STK11: variants seen among roughly 807,000 people sequenced by gnomAD.
STK11 encodes serine/threonine-protein kinase STK11.
A neutral mutation model predicts 47.3 loss-of-function variants in STK11; 8 were observed. The ratio of observed to expected loss-of-function variants is 0.17; its 90% CI spans 0.10 to 0.31. STK11 has a LOEUF of 0.31. Ranked by LOEUF, STK11 falls within the 10% of genes least tolerant of loss-of-function variation. The pLI, the probability that STK11 is intolerant of heterozygous loss-of-function variation, is 1.00. For missense variants in STK11, 475 were observed against 605.0 expected, an observed-to-expected ratio of 0.79 and a Z score of 2.25; for synonymous variants, 330 against 255.8, an observed-to-expected ratio of 1.29 and a Z score of -2.77.
In STK11 at chr19:1,227,610, C is replaced by T. The variant is rs727503761; in HGVS notation, c.*34C>T. The T allele has an allele frequency of 5.9e-5, 63 of 1,065,724 alleles. No individual in the cohort carries two copies. The highest frequency in any genetic ancestry group is 6.6e-5 in the Non-Finnish European group (58 of 879,646). The allele number at this position is 1,065,724 out of a possible 1,614,324, so 66.0% of individuals were successfully genotyped here. A position where few individuals can be genotyped will look rare whatever the true frequency, so the allele number is the denominator to read the frequency against. Reference sequence around the variant, plus strand: ...CCCTGCAGCCCGTGTCCAGGAGCCCCGCCAGGTGCCCGCGCCAGGCCCTCA... The same window carrying T: ...CCCTGCAGCCCGTGTCCAGGAGCCCTGCCAGGTGCCCGCGCCAGGCCCTCA... On this transcript the variant is annotated 3_prime_UTR_variant, in exon 10 of 10. Transcript: ENST00000326873.
At position 1,206,806 on chromosome 19, in the gene STK11, TTC is replaced by T. The variant is rs1555734790; in HGVS notation, c.-106_-105del. The T allele has an allele frequency of 9.5e-6, 13 of 1,373,640 alleles. No homozygotes were observed. The highest frequency in any genetic ancestry group is 2.5e-5 in the East Asian group (1 of 39,778). 85.1% of individuals were successfully genotyped at this position (1,373,640 alleles called of 1,614,324 possible). On this transcript the variant is annotated 5_prime_UTR_variant, in exon 1 of 10. Transcript: ENST00000326873. ...TTGGGGTTTTTGTTGCCTTTTTTTT[TTC>T]TTTTTTCTTTGTAAAATTTTGGAGA...
At chr19:1,226,737 CCG>C (rs2080825912) in intron 9 of STK11, 74 bp downstream of exon 9, 1 of 1,411,722 alleles carries the variant, frequency 7.1e-7, no homozygotes, top group Admixed American at 2.9e-5. Flanking sequence ...TGAGCATAGC[CCG>C]CGCTAGTCAG....
At chr19:1,226,228 G>A in intron 8 of STK11, 1 of 1,386,208 alleles carries the variant, frequency 7.2e-7, no homozygotes, top group Non-Finnish European at 9.3e-7. Flanking sequence ...CGTGGTGGAG[G>A]GGACACTCCT....
chr19:1,208,895 A>AGG (rs1298783938), intron 1 of STK11, among the ~76,000 whole-genome samples: 7 of 151,678 alleles, frequency 4.6e-5, no homozygotes, highest in African/African-American at 1.7e-4. Flanking sequence ...TGCTGGGATT[A>AGG]AAGGCGTGAG....
In STK11 at chr19:1,223,164, C is replaced by A. The variant is rs587782835; in HGVS notation, c.1100C>A (p.Thr367Lys). The A allele has an allele frequency of 1.9e-6, 3 of 1,610,722 alleles. No individual in the cohort carries two copies. The highest frequency in any genetic ancestry group is 1.7e-5 in the Admixed American group (1 of 59,884). ...GACATCATCTACACTCAGGACTTCA[C>A]GGTGCCCGGTGAGTCTGGCGGGGGC... ...EDDIIYTQDFTVPGQVPEEEA... is the reference protein window; with the variant it reads ...EDDIIYTQDFKVPGQVPEEEA... The change falls in exon 8 of 10, where the codon ACG becomes AAG. Residue 367 changes from threonine to lysine, a missense_variant. This residue lies in a region of STK11 where 219 missense variants were observed against 189.2 expected (regional missense o/e 1.16). Transcript: ENST00000326873.
intron 7 of STK11, 38 bp downstream of exon 7, chr19:1,222,044 G>C (rs1337636148): frequency 6.4e-7 from 1 of 1,552,522 alleles, no homozygotes; most frequent in East Asian, 2.4e-5. Context: ...CGAGGCTGCA[G>C]GGAGGCCGGC....
At chr19:1,222,632 T>G (rs2145429929) in intron 7 of STK11, among the ~76,000 whole-genome samples, 1 of 150,532 alleles carries the variant, frequency 6.6e-6, no homozygotes, top group Middle Eastern at 3.4e-3. Context: ...TGGCGGGGAC[T>G]GGGGCTGCCC....
rs1264739067 is a variant in STK11 at position 1,206,151 on chromosome 19, C to T, written c.-763C>T. The stretch of plus-strand genomic sequence containing the variant: ...TGCGGGGAGGGGGGCGCCTGCCGGG[C>T]CCCGGCGACCACCTTGGGGGTCGCG... On this transcript the variant is annotated 5_prime_UTR_variant, in exon 1 of 10. Coordinates refer to ENST00000326873, the MANE Select transcript of STK11 (RefSeq NM_000455.5). 1 of 149,666 alleles carries T rather than the reference C, an allele frequency of 6.7e-6. No homozygotes were observed. The highest frequency in any genetic ancestry group is 3.3e-3 in the Middle Eastern group (1 of 302). 9.3% of individuals were successfully genotyped at this position (149,666 alleles called of 1,614,324 possible).
intron 3 of STK11, chr19:1,220,033 C>CA (rs2145423562): frequency 3.5e-6 from 1 of 289,318 alleles, no homozygotes; most frequent in Admixed American, 4.7e-5. Context: ...TCTGTGGCCT[C>CA]AGAGTCAGGG....
Position 1,215,657 on chromosome 19 carries a change from G to A in STK11, c.291-2760G>A, listed in dbSNP as rs548450010. Among the ~76,000 whole-genome samples, 122 of 152,364 alleles carry A rather than the reference G, an allele frequency of 8.0e-4. 1 individual carries two copies. The highest frequency in any genetic ancestry group is 2.7e-3 in the African/African-American group (112 of 41,594). ...AGCCCTGGGACTGGTGCACTGGGAG[G>A]GAAAGGTGAGCCAAGGCTTCCTGCA... is the stretch of plus-strand genomic sequence containing the variant. On this transcript the variant is annotated intron_variant, in intron 1 of 9. Transcript: ENST00000326873.
Position 1,212,310 on chromosome 19 carries a change from G to T in STK11, c.290+5107G>T, listed in dbSNP as rs190052623. Among the ~76,000 whole-genome samples, 389 of 129,454 alleles carry T rather than the reference G, an allele frequency of 3.0e-3. 4 individuals are homozygous for T. The highest frequency in any genetic ancestry group is 4.9e-3 in the Non-Finnish European group (318 of 64,912). 84.9% of individuals were successfully genotyped at this position (129,454 alleles called of 152,430 possible). A position where few individuals can be genotyped will look rare whatever the true frequency, so the allele number is the denominator to read the frequency against. The stretch of plus-strand genomic sequence containing the variant: ...TTTTTTTTTTTTTTTTGGAGACAGG[G>T]TCTCACTGTATCGCCGAGGCTGGAG... On this transcript the variant is annotated intron_variant, in intron 1 of 9. Coordinates refer to ENST00000326873, the MANE Select transcript of STK11 (RefSeq NM_000455.5).
chr19:1,206,600 G>T lies in STK11; in HGVS notation c.-314G>T. 1 of 458,538 alleles carries T rather than the reference G, an allele frequency of 2.2e-6. No individual in the cohort carries two copies. The highest frequency in any genetic ancestry group is 3.9e-6 in the Non-Finnish European group (1 of 256,940). The allele number at this position is 458,538 out of a possible 1,614,324, so 28.4% of individuals were successfully genotyped here. A position where few individuals can be genotyped will look rare whatever the true frequency, so the allele number is the denominator to read the frequency against. On this transcript the variant is annotated 5_prime_UTR_variant, in exon 1 of 10. Transcript: ENST00000326873. ...CCCCAGGGTCCCCGAGGACGAAGTTGACCCTGACCGGGCCGTCTCCCAGTT... is the reference window on the plus strand; with the variant it reads ...CCCCAGGGTCCCCGAGGACGAAGTTTACCCTGACCGGGCCGTCTCCCAGTT...
intron 1 of STK11, among the ~76,000 whole-genome samples, chr19:1,209,959 C>A (rs1462579487): frequency 6.6e-6 from 1 of 152,148 alleles, no homozygotes; most frequent in African/African-American, 2.4e-5. Context: ...GTGAGTGATG[C>A]ACCCTCACTA....
intron 1 of STK11, among the ~76,000 whole-genome samples, chr19:1,217,419 C>T (rs1028166085): frequency 2.0e-5 from 3 of 152,062 alleles, no homozygotes; most frequent in African/African-American, 4.8e-5. Flanking sequence ...AGGCTGGTCT[C>T]GAACTCCTGA....
intron 1 of STK11, among the ~76,000 whole-genome samples, chr19:1,211,216 G>C (rs190026875): frequency 6.6e-6 from 1 of 152,208 alleles, no homozygotes; most frequent in Admixed American, 6.5e-5. Flanking sequence ...CGGAGGTTGC[G>C]GTGAGCCGAG....
intron 1 of STK11, among the ~76,000 whole-genome samples, chr19:1,209,026 G>C (rs2080690976): frequency 6.6e-6 from 1 of 152,152 alleles, no homozygotes; most frequent in East Asian, 1.9e-4. Flanking sequence ...AATGGGAGCG[G>C]CTGGGAAGGG....
intron 3 of STK11, among the ~76,000 whole-genome samples, chr19:1,219,647 G>A (rs558216016): frequency 1.9e-4 from 29 of 152,124 alleles, no homozygotes; most frequent in Admixed American, 1.2e-3. Context: ...CGAGGTTCAC[G>A]CCATTCTTCT....
intron 8 of STK11, chr19:1,225,718 C>G (rs1289385856): frequency 1.0e-6 from 1 of 985,512 alleles, no homozygotes; most frequent in Non-Finnish European, 1.2e-6. Context: ...GGGGCGGCCT[C>G]CCACTGACTT....
At chr19:1,225,841 C>T in intron 8 of STK11, 2 of 986,114 alleles carry the variant, frequency 2.0e-6, no homozygotes, top group South Asian at 4.7e-5. Flanking sequence ...GCACTTTCCC[C>T]TGCCATTGTG....
Sources: gnomAD v4.1 joint callset for allele counts (sites outside exome capture counted in the v4.1 genomes callset) on GRCh38, gnomAD v4.1.1 for gene constraint, gnomAD v4.1.1 regional missense constraint, MANE v1.5 for transcripts, NCBI Gene and HGNC (gene_info 2026-07-23, HGNC 2026-07-21) for gene names.